The following ARHGAP26 variants were observed in gnomAD, a reference collection of about 807,000 sequenced individuals.
ARHGAP26 encodes Rho GTPase activating protein 26.
A neutral mutation model predicts 104.8 loss-of-function variants in ARHGAP26; 38 were observed. The ratio of observed to expected loss-of-function variants is 0.36; its 90% CI spans 0.28 to 0.48. The LOEUF is 0.48. Among genes scored for constraint, ARHGAP26 ranks in the 20% least tolerant of loss-of-function variants. ARHGAP26 has a pLI of 0.99. For missense variants in ARHGAP26, 704 were observed against 947.9 expected, an observed-to-expected ratio of 0.74 and a Z score of 3.38; for synonymous variants, 341 against 340.0, an observed-to-expected ratio of 1.00 and a Z score of -0.03.
chr5:143,057,275 T>C (rs13165650), intron 16 of ARHGAP26, among the ~76,000 whole-genome samples: 2,419 of 152,330 alleles, frequency 0.016, 24 homozygotes, highest in Middle Eastern at 0.065. Flanking sequence ...TTTATCACTT[T>C]ACAAGTGCAT....
intron 10 of ARHGAP26, among the ~76,000 whole-genome samples, chr5:142,927,055 C>T (rs1430346537): frequency 6.6e-6 from 1 of 152,040 alleles, no homozygotes; most frequent in Non-Finnish European, 1.5e-5. Flanking sequence ...CAGAATAGTT[C>T]AGTTGCTAGT....
At chr5:143,070,610 A>G (rs534449606) in intron 17 of ARHGAP26, among the ~76,000 whole-genome samples, 1 of 152,358 alleles carries the variant, frequency 6.6e-6, no homozygotes, top group Admixed American at 6.5e-5. Context: ...TGCAATCCCT[A>G]TCGAAATACC....
intron 11 of ARHGAP26, among the ~76,000 whole-genome samples, chr5:142,942,143 A>G (rs1162808476): frequency 1.3e-5 from 2 of 152,064 alleles, no homozygotes; most frequent in Non-Finnish European, 2.9e-5. Flanking sequence ...TTTCTTAGGG[A>G]ATTGAGTTGC....
chr5:142,887,158 C>G (rs1470564569), intron 5 of ARHGAP26, among the ~76,000 whole-genome samples: 1 of 152,198 alleles, frequency 6.6e-6, no homozygotes, highest in Non-Finnish European at 1.5e-5. Flanking sequence ...GATCCATTCT[C>G]TCCGTGGTCA....
At chr5:143,138,739 A>C (rs1010064449) in intron 19 of ARHGAP26, among the ~76,000 whole-genome samples, 2 of 152,372 alleles carry the variant, frequency 1.3e-5, no homozygotes, top group African/African-American at 4.8e-5. Flanking sequence ...CTATGACTAT[A>C]TAACTTACCA....
rs748291505 is a variant in ARHGAP26 at position 143,056,075 on chromosome 5, T to C, written c.1421T>C (p.Ile474Thr). The change falls in exon 16 of 23, where the codon ATC becomes ACC. Residue 474 changes from isoleucine to threonine, a missense_variant. Around this residue, in one of 6 missense-constraint regions of ARHGAP26, gnomAD observed 287 missense variants for 438.8 expected, o/e 0.65. Coordinates refer to ENST00000645722, the MANE Select transcript of ARHGAP26 (RefSeq NM_001135608.3). ...LMMYQFQRSF[I>T]KAAKLENQES... ...ATGTACCAGTTTCAAAGAAGTTTCA[T>C]CAAAGCAGCAAGTAAGTCTTTTTTG... The C allele has an allele frequency of 6.2e-7, 1 of 1,613,262 alleles. No individual in the cohort carries two copies. Among genetic ancestry groups the C allele is most frequent in the Non-Finnish European group, 8.5e-7 (1 of 1,179,526 alleles).
intron 17 of ARHGAP26, among the ~76,000 whole-genome samples, chr5:143,098,505 T>C (rs916718131): frequency 6.6e-6 from 1 of 152,182 alleles, no homozygotes; most frequent in African/African-American, 2.4e-5. Context: ...CAATCTACCC[T>C]CAAAAGCTAG....
intron 20 of ARHGAP26, among the ~76,000 whole-genome samples, chr5:143,175,945 C>T (rs1262716036): frequency 6.6e-6 from 1 of 152,058 alleles, no homozygotes; most frequent in Non-Finnish European, 1.5e-5. Flanking sequence ...GAAACCCCTT[C>T]TCTACTAAAA....
intron 20 of ARHGAP26, among the ~76,000 whole-genome samples, chr5:143,195,775 A>G (rs1347932797): frequency 6.6e-6 from 1 of 151,886 alleles, no homozygotes; most frequent in South Asian, 2.1e-4. Context: ...TCCTTCTTCT[A>G]TGGAGTAAAA....
chr5:142,796,522 G>A (rs1403669191), intron 1 of ARHGAP26, among the ~76,000 whole-genome samples: 3 of 152,250 alleles, frequency 2.0e-5, no homozygotes, highest in Non-Finnish European at 2.9e-5. Flanking sequence ...GGTGGGCAAA[G>A]TGAATCAAGA....
chr5:142,970,675 G>A (rs1772134370), intron 11 of ARHGAP26, among the ~76,000 whole-genome samples: 1 of 152,194 alleles, frequency 6.6e-6, no homozygotes, highest in African/African-American at 2.4e-5. Flanking sequence ...GGAGCCATCT[G>A]GACTGTCATC....
chr5:143,227,259 CCAAA>C lies in ARHGAP26; in HGVS notation c.*4816_*4819del, dbSNP rs1416020317. On this transcript the variant is annotated 3_prime_UTR_variant, in exon 23 of 23. Coordinates refer to ENST00000645722, the MANE Select transcript of ARHGAP26 (RefSeq NM_001135608.3). ...AAGTAGGTAGCCAGCGCTGCAGAAACCAAACAGCCTCTTAGCTACCTGACTTTAA... is the reference window on the plus strand; with the variant it reads ...AAGTAGGTAGCCAGCGCTGCAGAAACCAGCCTCTTAGCTACCTGACTTTAA... 2.6e-5 allele frequency: 6 copies of C among 229,832 alleles called. No individual in the cohort carries two copies. Among genetic ancestry groups the C allele is most frequent in the East Asian group, 6.2e-5 (1 of 16,104 alleles). The allele number at this position is 229,832 out of a possible 1,614,324, so 14.2% of individuals were successfully genotyped here.
intron 11 of ARHGAP26, among the ~76,000 whole-genome samples, chr5:143,005,983 C>T (rs995340029): frequency 1.3e-5 from 2 of 152,188 alleles, no homozygotes; most frequent in South Asian, 2.1e-4. Context: ...CAGAACTCCC[C>T]AGTGGTACCA....
intron 17 of ARHGAP26, among the ~76,000 whole-genome samples, chr5:143,062,972 C>CT (rs898354448): frequency 1.3e-5 from 2 of 152,172 alleles, no homozygotes; most frequent in African/African-American, 4.8e-5. Flanking sequence ...GTGATGATGG[C>CT]TTAGATGGAA....
rs2151446992 is a variant in ARHGAP26 at position 143,227,950 on chromosome 5, GA to G, written c.*5506del. Reference sequence around the variant, plus strand: ...CAGAGTGAAAACGTCTCTCAAGGTGGAATGCTTTAGAGAGCAAAGGCTTAGC... The same window carrying G: ...CAGAGTGAAAACGTCTCTCAAGGTGGATGCTTTAGAGAGCAAAGGCTTAGC... On this transcript the variant is annotated 3_prime_UTR_variant, in exon 23 of 23. Transcript: ENST00000645722. 4.5e-6 allele frequency: 1 copy of G among 221,542 alleles called. No homozygotes were observed. The highest frequency in any genetic ancestry group is 5.8e-5 in the Admixed American group (1 of 17,360). 13.7% of individuals were successfully genotyped at this position (221,542 alleles called of 1,614,324 possible). A position where few individuals can be genotyped will look rare whatever the true frequency, so the allele number is the denominator to read the frequency against.
chr5:142,879,420 G>A lies in ARHGAP26; in HGVS notation c.359G>A (p.Arg120Gln), dbSNP rs1191015382. The A allele has an allele frequency of 5.0e-6, 8 of 1,613,770 alleles. No homozygotes were observed. Among genetic ancestry groups the A allele is most frequent in the East Asian group, 2.2e-5 (1 of 44,864 alleles). The change falls in exon 4 of 23, where the codon CGA (arginine) becomes CAA (glutamine). Residue 120 changes from arginine to glutamine, a missense_variant. Physicochemically the swap from Arg to Gln is conservative, Grantham distance 43 (BLOSUM62 1). Transcript: ENST00000645722. ...EVLITPLEKF[R>Q]KEQIGAAKEA... ...CTCATCACTCCCTTGGAGAAGTTTC[G>A]AAAGGAACAGATCGGGGCTGCCAAG...
At chr5:142,845,568 T>A (rs1771760610) in intron 1 of ARHGAP26, among the ~76,000 whole-genome samples, 1 of 152,240 alleles carries the variant, frequency 6.6e-6, no homozygotes, top group African/African-American at 2.4e-5. Context: ...TTATGTGCTC[T>A]AGGTGGCCTT....
intron 1 of ARHGAP26, among the ~76,000 whole-genome samples, chr5:142,847,656 C>T (rs1597888767): frequency 6.6e-6 from 1 of 152,194 alleles, no homozygotes; most frequent in South Asian, 2.1e-4. Context: ...CGTGCCCGGC[C>T]AGGATGATGA....
chr5:143,166,825 C>G (rs1451430742), intron 20 of ARHGAP26, among the ~76,000 whole-genome samples: 2 of 152,188 alleles, frequency 1.3e-5, no homozygotes, highest in African/African-American at 2.4e-5. Context: ...CAGGACATAC[C>G]TTTTGCAGAC....
Sources: gnomAD v4.1 joint callset for allele counts (sites outside exome capture counted in the v4.1 genomes callset) on GRCh38, gnomAD v4.1.1 for gene constraint, gnomAD v4.1.1 regional missense constraint, MANE v1.5 for transcripts, NCBI Gene and HGNC (gene_info 2026-07-23, HGNC 2026-07-21) for gene names.